Variants in FRMD4A observed in about 807,000 individuals in gnomAD.
FRMD4A encodes FERM domain containing 4A.
In FRMD4A, 29 loss-of-function variants were observed where a neutral mutation model predicts 129.1. That is an observed-to-expected ratio of 0.22 (90% CI 0.17 to 0.31). FRMD4A has a LOEUF of 0.31. Ranked by LOEUF, FRMD4A falls within the 10% of genes least tolerant of loss-of-function variation. The probability of loss-of-function intolerance (pLI) is 1.00; values close to 1 mark genes in which losing one functional copy is unlikely to be tolerated. For missense variants in FRMD4A, 1,272 were observed against 1,375.8 expected (o/e 0.92, Z 1.19); for synonymous variants, 634 against 571.6 (o/e 1.11, Z -1.56).
chr10:13,737,766 G>A (rs772886013), intron 12 of FRMD4A, 78 bp downstream of exon 12: 34 of 798,498 alleles, frequency 4.3e-5, no homozygotes, highest in Non-Finnish European at 7.0e-5. Context: ...CATGGCGTTA[G>A]CATTTTTAAA....
chr10:13,659,517 C>T (rs773309388), intron 20 of FRMD4A, 27 bp from the exon 21 acceptor site: 13 of 1,599,410 alleles, frequency 8.1e-6, no homozygotes, highest in South Asian at 1.1e-5. Flanking sequence ...GCCACGTGGT[C>T]ACCGCCAGAC....
chr10:13,652,087 A>AT lies in FRMD4A; in HGVS notation c.3051-114dup, dbSNP rs35626355. ...ATTAATATATCCGAAAGGCTTGCTG[A>AT]TTAGACACCTGAGTTAGCAACAGAT... On this transcript the variant is annotated intron_variant, in intron 23 of 24. Transcript: ENST00000357447. 7.8e-5 allele frequency: 57 copies of AT among 734,184 alleles called. No homozygotes were observed. In the African/African-American group the frequency reaches 8.7e-4, roughly 11 times the overall value. 45.5% of individuals were successfully genotyped at this position (734,184 alleles called of 1,614,324 possible). A position where few individuals can be genotyped will look rare whatever the true frequency, so the allele number is the denominator to read the frequency against.
At chr10:13,958,285 T>A (rs1160655242) in intron 2 of FRMD4A, among the ~76,000 whole-genome samples, 1 of 143,944 alleles carries the variant, frequency 6.9e-6, no homozygotes, top group Non-Finnish European at 1.5e-5. Context: ...ACCATTGTTT[T>A]TTTTTTTTTT....
chr10:14,220,783 C>CGTGTGTGTGTGT, intron 2 of FRMD4A, among the ~76,000 whole-genome samples: 1 of 141,752 alleles, frequency 7.1e-6, no homozygotes, highest in African/African-American at 2.6e-5. Flanking sequence ...GGCTGAGTTG[C>CGTGTGTGTGTGT]GTGTGTGTGT....
At chr10:14,271,043 G>C (rs997427593) in intron 2 of FRMD4A, among the ~76,000 whole-genome samples, 1 of 152,162 alleles carries the variant, frequency 6.6e-6, no homozygotes, top group Non-Finnish European at 1.5e-5. Flanking sequence ...GAAGGCAAAG[G>C]AGAGCAAGTG....
intron 3 of FRMD4A, among the ~76,000 whole-genome samples, chr10:13,815,098 C>T (rs1000461219): frequency 6.6e-6 from 1 of 152,154 alleles, no homozygotes; most frequent in Admixed American, 6.5e-5. Flanking sequence ...TCATTATCAT[C>T]CAGAATAGAG....
intron 2 of FRMD4A, among the ~76,000 whole-genome samples, chr10:13,945,120 A>G (rs1374779665): frequency 6.6e-6 from 1 of 152,242 alleles, no homozygotes; most frequent in Non-Finnish European, 1.5e-5. Flanking sequence ...GCACTAAGCC[A>G]GCCGGACTAG....
chr10:13,797,275 C>T (rs1409354620), intron 4 of FRMD4A, among the ~76,000 whole-genome samples: 2 of 152,338 alleles, frequency 1.3e-5, no homozygotes, highest in East Asian at 1.9e-4. Context: ...CACTTGAAAA[C>T]ATGTTAGCAA....
At chr10:13,845,414 C>A (rs947781146) in intron 3 of FRMD4A, among the ~76,000 whole-genome samples, 1 of 152,194 alleles carries the variant, frequency 6.6e-6, no homozygotes, top group South Asian at 2.1e-4. Flanking sequence ...TGAACTGATA[C>A]TGAACTCTAC....
chr10:13,844,218 T>C (rs960830256), intron 3 of FRMD4A, among the ~76,000 whole-genome samples: 5 of 152,112 alleles, frequency 3.3e-5, no homozygotes, highest in African/African-American at 1.2e-4. Context: ...CCACCAAACT[T>C]AACATTGAAG....
intron 15 of FRMD4A, among the ~76,000 whole-genome samples, chr10:13,689,861 G>A (rs956954258): frequency 1.3e-5 from 2 of 152,134 alleles, no homozygotes; most frequent in African/African-American, 4.8e-5. Flanking sequence ...CTGTGCTGGG[G>A]TGAATATTCC....
chr10:14,254,545 A>G (rs1426207875), intron 2 of FRMD4A, among the ~76,000 whole-genome samples: 2 of 152,102 alleles, frequency 1.3e-5, no homozygotes, highest in Non-Finnish European at 2.9e-5. Flanking sequence ...TCCAGTTTGG[A>G]TCACATGTTT....
chr10:14,253,446 G>A (rs555036699), intron 2 of FRMD4A, among the ~76,000 whole-genome samples: 2 of 152,274 alleles, frequency 1.3e-5, no homozygotes, highest in South Asian at 4.2e-4. Flanking sequence ...TTCACAGGGT[G>A]GAATATGGGA....
At chr10:14,300,583 G>A (rs747640707) in intron 2 of FRMD4A, among the ~76,000 whole-genome samples, 2 of 152,212 alleles carry the variant, frequency 1.3e-5, no homozygotes, top group South Asian at 2.1e-4. Context: ...AACCAAGGCA[G>A]GGTTGGTCCC....
At chr10:13,844,938 T>C (rs959064179) in intron 3 of FRMD4A, among the ~76,000 whole-genome samples, 1 of 152,208 alleles carries the variant, frequency 6.6e-6, no homozygotes, top group South Asian at 2.1e-4. Context: ...GTATGAGTAA[T>C]GGGCTGGAAA....
chr10:14,138,998 G>A (rs1345139271), intron 2 of FRMD4A, among the ~76,000 whole-genome samples: 2 of 152,170 alleles, frequency 1.3e-5, no homozygotes, highest in Non-Finnish European at 2.9e-5. Context: ...ACCTCCAAGT[G>A]ATCCATCATG....
intron 2 of FRMD4A, among the ~76,000 whole-genome samples, chr10:13,976,768 A>T (rs4237438): frequency 1.3e-5 from 2 of 152,038 alleles, no homozygotes; most frequent in Admixed American, 1.3e-4. Flanking sequence ...AATCTAATGT[A>T]ACCCATCTTA....
chr10:13,654,089 C>A, intron 23 of FRMD4A: 2 of 485,212 alleles, frequency 4.1e-6, no homozygotes, highest in South Asian at 3.9e-5. Flanking sequence ...TTTGAGTCAG[C>A]CTGAGTATAA....
chr10:14,232,950 A>G (rs1350823056), intron 2 of FRMD4A, among the ~76,000 whole-genome samples: 2 of 152,300 alleles, frequency 1.3e-5, no homozygotes, highest in Non-Finnish European at 2.9e-5. Flanking sequence ...AGGTCTTCCA[A>G]TAATTTTAGT....
Sources: allele counts gnomAD v4.1 joint callset (sites outside exome capture counted in the v4.1 genomes callset), GRCh38; gene constraint gnomAD v4.1.1; transcripts MANE v1.5; gene names NCBI Gene and HGNC (gene_info 2026-07-23, HGNC 2026-07-21).